The following MLKL variants were observed in gnomAD, a reference collection of about 807,000 sequenced individuals.
The protein encoded by MLKL is mixed lineage kinase domain like pseudokinase, also known as mixed lineage kinase domain-like protein.
A neutral mutation model predicts 56.5 loss-of-function variants in MLKL; 55 were observed. The ratio of observed to expected loss-of-function variants is 0.97; its 90% confidence interval spans 0.78 to 1.22. The LOEUF is 1.22. Ranked by LOEUF, MLKL falls within the 50% of genes most tolerant of loss-of-function variation. MLKL has a pLI of 0.00. For synonymous variants in MLKL, 251 were observed against 208.3 expected (o/e 1.20, Z -1.76); for missense variants, 694 against 573.9 (o/e 1.21, Z -2.14).
rs1455198663 is a variant in MLKL, at chr16:74,699,904, T to G, written c.-3+549A>C. 2.0e-5 allele frequency among the ~76,000 whole-genome samples: 3 copies of G among 152,080 alleles called. No individual in the cohort carries two copies. The East Asian group carries it at 5.8e-4, about 29-fold the overall frequency. ...CTGCAGTGAGCTATGATTGTGCCAC[T>G]GCGCTCCAGCCTGGGCAACAGAGGA... On this transcript the variant is annotated intron_variant, in intron 1 of 10. Coordinates refer to ENST00000308807, the MANE Select transcript of MLKL (RefSeq NM_152649.4).
chr16:74,689,398 G>A (rs993843826), intron 4 of MLKL, among the ~76,000 whole-genome samples: 17 of 152,140 alleles, frequency 1.1e-4, no homozygotes, highest in African/African-American at 3.4e-4. Flanking sequence ...TTACAGGCGT[G>A]AGCCACTGCA....
Position 74,672,424 on chromosome 16 carries a change from G to C in MLKL, c.*80C>G. 2 of 1,345,956 alleles carry C rather than the reference G, an allele frequency of 1.5e-6. No homozygotes were observed. Among genetic ancestry groups the C allele is most frequent in the South Asian group, 2.4e-5 (2 of 84,356 alleles). The allele number at this position is 1,345,956 out of a possible 1,614,324, so 83.4% of individuals were successfully genotyped here. Reference sequence around the variant, plus strand: ...CACCCATAGATAACCCAATGCCGAAGGATATGAGAGAGAGAGATGTCCAGT... The same window carrying C: ...CACCCATAGATAACCCAATGCCGAACGATATGAGAGAGAGAGATGTCCAGT... On this transcript the variant is annotated 3_prime_UTR_variant, in exon 11 of 11. Transcript: ENST00000308807.
rs557746653 is a variant in MLKL at position 74,672,255 on chromosome 16, G to T, written c.*249C>A. ...GCAAATTTCATTGCCAAGAGGTGTG[G>T]ATACCCAGAAAGATACATTTGACAA... On this transcript the variant is annotated 3_prime_UTR_variant, in exon 11 of 11. Coordinates refer to ENST00000308807, the MANE Select transcript of MLKL (RefSeq NM_152649.4). 46 of 414,374 alleles carry T rather than the reference G, an allele frequency of 1.1e-4. No individual in the cohort carries two copies. In the South Asian group the frequency reaches 2.0e-3, roughly 18 times the overall value. 25.7% of individuals were successfully genotyped at this position (414,374 alleles called of 1,614,324 possible).
Position 74,672,269 on chromosome 16 carries a change from T to C in MLKL, c.*235A>G. 2.2e-6 allele frequency: 1 copy of C among 447,900 alleles called. No individual in the cohort carries two copies. The highest frequency in any genetic ancestry group is 4.0e-6 in the Non-Finnish European group (1 of 248,044). The allele number at this position is 447,900 out of a possible 1,614,324, so 27.7% of individuals were successfully genotyped here. On this transcript the variant is annotated 3_prime_UTR_variant, in exon 11 of 11. Transcript: ENST00000308807. ...CAAGAGGTGTGGATACCCAGAAAGA[T>C]ACATTTGACAAACCATCTATCAAAG...
At chr16:74,674,885 C>T (rs1009936028) in intron 10 of MLKL, 75 bp downstream of exon 10, 1 of 1,545,228 alleles carries the variant, frequency 6.5e-7, no homozygotes, top group Non-Finnish European at 8.8e-7. Context: ...TGCCTTGGAG[C>T]TGGTGAAAAG....
At chr16:74,699,657 A>G (rs2144579950) in intron 1 of MLKL, among the ~76,000 whole-genome samples, 1 of 152,316 alleles carries the variant, frequency 6.6e-6, no homozygotes, top group East Asian at 1.9e-4. Flanking sequence ...TGTTCAGGCC[A>G]GCTGCAGTGG....
intron 7 of MLKL, chr16:74,677,626 G>A (rs1401047963): frequency 6.6e-6 from 1 of 152,198 alleles, no homozygotes; most frequent in Non-Finnish European, 1.5e-5. Context: ...AAAGTGCGGG[G>A]ATTACAGGCA....
intron 3 of MLKL, 65 bp downstream of exon 3, chr16:74,692,277 T>C: frequency 7.1e-7 from 1 of 1,405,786 alleles, no homozygotes; most frequent in Admixed American, 1.8e-5. Flanking sequence ...GAGGCTGGGG[T>C]CCCAGTAAAC....
At chr16:74,688,796 A>C (rs946113562) in intron 4 of MLKL, among the ~76,000 whole-genome samples, 8 of 152,216 alleles carry the variant, frequency 5.3e-5, no homozygotes, top group Admixed American at 1.3e-4. Context: ...AAGTGGAAAA[A>C]ACACAAGGTC....
At chr16:74,674,199 G>C (rs959908649) in intron 10 of MLKL, among the ~76,000 whole-genome samples, 1 of 148,644 alleles carries the variant, frequency 6.7e-6, no homozygotes, top group African/African-American at 2.5e-5. Context: ...CTGTTGTCCA[G>C]GCTGGAGCGC....
At chr16:74,687,011 T>C (rs1960370195) in intron 4 of MLKL, among the ~76,000 whole-genome samples, 1 of 152,174 alleles carries the variant, frequency 6.6e-6, no homozygotes, top group Admixed American at 6.6e-5. Flanking sequence ...AGCCTCACTT[T>C]TGTCGCCCAG....
Position 74,695,347 on chromosome 16 carries a change from A to G in MLKL, c.411T>C (p.Asp137=). The G allele has an allele frequency of 6.2e-7, 1 of 1,614,106 alleles. No individual in the cohort carries two copies. The highest frequency in any genetic ancestry group is 1.7e-5 in the Admixed American group (1 of 60,018). The part of the protein sequence containing the change: ...ISQGASWAQE[D]QQDADEDRRA... ...GCCTGTCTTCGTCTGCATCCTGCTG[A>G]TCTTCCTGTGCCCAGGACGCTCCTT... is the stretch of plus-strand genomic sequence containing the variant. The change falls in exon 2 of 11, where the codon GAT becomes GAC. Residue 137 remains aspartate, a synonymous_variant. Transcript: ENST00000308807.
chr16:74,688,529 C>A (rs1003870023), intron 4 of MLKL, among the ~76,000 whole-genome samples: 1 of 151,970 alleles, frequency 6.6e-6, no homozygotes, highest in Non-Finnish European at 1.5e-5. Context: ...GCCTGGCCAA[C>A]ATGGTGAAAC....
chr16:74,690,479 G>T (rs1035788779), intron 4 of MLKL, among the ~76,000 whole-genome samples: 6 of 152,076 alleles, frequency 3.9e-5, no homozygotes, highest in Non-Finnish European at 8.8e-5. Context: ...AGCTGACTAG[G>T]TTCCATCACT....
At chr16:74,691,175 G>A in intron 4 of MLKL, 102 bp downstream of exon 4, 2 of 1,117,940 alleles carry the variant, frequency 1.8e-6, no homozygotes, top group Non-Finnish European at 2.6e-6. Context: ...AACCCTTTAG[G>A]GCCCAGGCTT....
At chr16:74,682,538 A>G in intron 6 of MLKL, 113 bp downstream of exon 6, 1 of 1,412,158 alleles carries the variant, frequency 7.1e-7, no homozygotes, top group Non-Finnish European at 9.7e-7. Context: ...AAAACAGTGT[A>G]TGGGAGGGAG....
At chr16:74,686,578 G>A (rs186786872) in intron 4 of MLKL, among the ~76,000 whole-genome samples, 2 of 152,206 alleles carry the variant, frequency 1.3e-5, no homozygotes, top group East Asian at 3.9e-4. Flanking sequence ...ACGAGACTAC[G>A]TCTCCACACA....
chr16:74,673,495 G>A (rs887288917), intron 10 of MLKL, among the ~76,000 whole-genome samples: 1 of 152,150 alleles, frequency 6.6e-6, no homozygotes, highest in Admixed American at 6.5e-5. Context: ...TGAGATTACA[G>A]GTGTGAGCCA....
rs1353322911 is a variant in MLKL, at chr16:74,695,773, A to G, written c.-2-14T>C. On this transcript the variant is annotated splice_polypyrimidine_tract_variant and intron_variant, in intron 1 of 10. Transcript: ENST00000308807. The stretch of plus-strand genomic sequence containing the variant: ...AATTTTCCATGCCTGGAAGAAATGA[A>G]TGGAATTTGGTGAAATCCCCAAATC... 1 of 1,571,938 alleles carries G rather than the reference A, an allele frequency of 6.4e-7. No homozygotes were observed. Among genetic ancestry groups the G allele is most frequent in the East Asian group, 2.3e-5 (1 of 44,408 alleles).
Sources: gnomAD v4.1 joint callset for allele counts (sites outside exome capture counted in the v4.1 genomes callset) on GRCh38, gnomAD v4.1.1 for gene constraint, MANE v1.5 for transcripts, NCBI Gene and HGNC (gene_info 2026-07-23, HGNC 2026-07-21) for gene names.